The following CYP19A1 variants were observed in gnomAD, a reference collection of about 807,000 sequenced individuals.
The protein encoded by CYP19A1 is aromatase.
A neutral mutation model predicts 44.4 loss-of-function variants in CYP19A1; 32 were observed. That is an observed-to-expected ratio of 0.72 (90% CI 0.54 to 0.97). The LOEUF (loss-of-function observed/expected upper bound fraction) is 0.97. Ranked by LOEUF, CYP19A1 falls within the 50% of genes least tolerant of loss-of-function variation. The pLI is 0.00. For synonymous variants in CYP19A1, 212 were observed against 215.6 expected (o/e 0.98, Z 0.14); for missense variants, 598 against 637.8 (o/e 0.94, Z 0.67).
chr15:51,322,677 C>A (rs1464710956), intron 1 of CYP19A1, among the ~76,000 whole-genome samples: 2 of 152,174 alleles, frequency 1.3e-5, no homozygotes, highest in East Asian at 1.9e-4. Context: ...ATCACCCCCA[C>A]CCCCGCTTCC....
intron 1 of CYP19A1, among the ~76,000 whole-genome samples, chr15:51,299,110 G>A (rs913669291): frequency 5.9e-5 from 9 of 152,174 alleles, no homozygotes; most frequent in Non-Finnish European, 1.2e-4. Flanking sequence ...CCTTCCTTCC[G>A]AGGTCCTGTG....
intron 1 of CYP19A1, among the ~76,000 whole-genome samples, chr15:51,310,231 CA>C (rs758063872): frequency 6.6e-6 from 1 of 152,084 alleles, no homozygotes; most frequent in Non-Finnish European, 1.5e-5. Flanking sequence ...ACAAAAAAAA[CA>C]ATTAACTGAG....
In CYP19A1 at chr15:51,322,905, G is replaced by A. The variant is rs2141023736; in HGVS notation, c.-39+15590C>T. Among the ~76,000 whole-genome samples the A allele has an allele frequency of 2.0e-5, 3 of 152,310 alleles. No homozygotes were observed. The East Asian group carries it at 5.8e-4, about 29-fold the overall frequency. Reference sequence around the variant, plus strand: ...AGTTGCTAGAATTTCATGTCTGTAGGGAACACATCCACTTCTGGCTGAACT... The same window carrying A: ...AGTTGCTAGAATTTCATGTCTGTAGAGAACACATCCACTTCTGGCTGAACT... On this transcript the variant is annotated intron_variant, in intron 1 of 9. Coordinates refer to ENST00000396402, the MANE Select transcript of CYP19A1 (RefSeq NM_000103.4).
At chr15:51,306,279 C>T (rs1385543913) in intron 1 of CYP19A1, among the ~76,000 whole-genome samples, 1 of 152,160 alleles carries the variant, frequency 6.6e-6, no homozygotes, top group Non-Finnish European at 1.5e-5. Flanking sequence ...ATTCCCAGTT[C>T]TTTCAGAATA....
In CYP19A1 at chr15:51,222,195, A is replaced by G; in HGVS notation, c.628+154T>C. 2.2e-6 allele frequency: 3 copies of G among 1,386,752 alleles called. No homozygotes were observed. In the South Asian group the frequency reaches 4.2e-5, roughly 20 times the overall value. 85.9% of individuals were successfully genotyped at this position (1,386,752 alleles called of 1,614,324 possible). A position where few individuals can be genotyped will look rare whatever the true frequency, so the allele number is the denominator to read the frequency against. On this transcript the variant is annotated intron_variant, in intron 5 of 9. Transcript: ENST00000396402. ...TTTATATTTTATAAGTGAACAAAGCAGAAACACTAGGGAAAAAAACGAGGA... is the reference window on the plus strand; with the variant it reads ...TTTATATTTTATAAGTGAACAAAGCGGAAACACTAGGGAAAAAAACGAGGA...
At chr15:51,304,962 C>T (rs1159452085) in intron 1 of CYP19A1, among the ~76,000 whole-genome samples, 1 of 139,460 alleles carries the variant, frequency 7.2e-6, no homozygotes, top group East Asian at 2.3e-4. Context: ...TGCAGTGGCA[C>T]GATCTTGGCT....
At chr15:51,291,370 T>C (rs1364596820) in intron 1 of CYP19A1, among the ~76,000 whole-genome samples, 2 of 151,774 alleles carry the variant, frequency 1.3e-5, no homozygotes, top group Non-Finnish European at 2.9e-5. Flanking sequence ...ATTATTACAA[T>C]GAAAAACTAG....
rs191410568 is a variant in CYP19A1, at chr15:51,287,014, G to A, written c.-38-44064C>T. Among the ~76,000 whole-genome samples the A allele has an allele frequency of 1.0e-3, 157 of 152,310 alleles. 1 individual carries two copies. The highest frequency in any genetic ancestry group is 3.5e-3 in the African/African-American group (144 of 41,570). ...CCTACCCAGCACATTCATCTGTGAGGTGGGTGGCATCAATAGAGGGCAGGG... is the reference window on the plus strand; with the variant it reads ...CCTACCCAGCACATTCATCTGTGAGATGGGTGGCATCAATAGAGGGCAGGG... On this transcript the variant is annotated intron_variant, in intron 1 of 9. Coordinates refer to ENST00000396402, the MANE Select transcript of CYP19A1 (RefSeq NM_000103.4).
intron 1 of CYP19A1, among the ~76,000 whole-genome samples, chr15:51,280,213 C>A (rs553198315): frequency 6.6e-6 from 1 of 151,546 alleles, no homozygotes; most frequent in Non-Finnish European, 1.5e-5. Context: ...CCTCTGCCTC[C>A]GCCTCCAGAG....
chr15:51,227,702 A>AT, intron 4 of CYP19A1, 77 bp downstream of exon 4: 5 of 451,796 alleles, frequency 1.1e-5, no homozygotes, highest in East Asian at 8.5e-5. Flanking sequence ...AAATAAATAA[A>AT]ATATTTTAAA....
intron 1 of CYP19A1, among the ~76,000 whole-genome samples, chr15:51,311,220 G>A (rs552099895): frequency 6.6e-6 from 1 of 152,036 alleles, no homozygotes; most frequent in East Asian, 1.9e-4. Context: ...TGACATAAAG[G>A]TGAATGCTCT....
chr15:51,273,495 G>T (rs1253761744), intron 1 of CYP19A1, among the ~76,000 whole-genome samples: 1 of 152,054 alleles, frequency 6.6e-6, no homozygotes, highest in Admixed American at 6.6e-5. Flanking sequence ...TGTAAAATAA[G>T]GGTAATAGTC....
intron 1 of CYP19A1, among the ~76,000 whole-genome samples, chr15:51,260,010 T>C (rs1000699936): frequency 3.9e-5 from 6 of 152,128 alleles, no homozygotes; most frequent in African/African-American, 9.7e-5. Context: ...TGAACACAGA[T>C]AAAAACAGCA....
At chr15:51,268,789 T>C (rs906852809) in intron 1 of CYP19A1, among the ~76,000 whole-genome samples, 12 of 152,184 alleles carry the variant, frequency 7.9e-5, no homozygotes, top group African/African-American at 2.9e-4. Flanking sequence ...GCGATCTTAA[T>C]TTGCATTTTC....
intron 1 of CYP19A1, among the ~76,000 whole-genome samples, chr15:51,323,496 T>A (rs1019725628): frequency 8.1e-6 from 1 of 123,368 alleles, no homozygotes; most frequent in Non-Finnish European, 1.7e-5. Context: ...GTGTCTCTAC[T>A]TTTTTTTTTT....
chr15:51,247,460 TTTA>T (rs1364151646), intron 1 of CYP19A1, among the ~76,000 whole-genome samples: 2 of 152,162 alleles, frequency 1.3e-5, no homozygotes, highest in South Asian at 2.1e-4. Context: ...CTTTTTTATT[TTTA>T]TTTTTATTTA....
intron 1 of CYP19A1, among the ~76,000 whole-genome samples, chr15:51,296,158 G>T (rs1440106861): frequency 6.6e-6 from 1 of 151,962 alleles, no homozygotes; most frequent in Non-Finnish European, 1.5e-5. Flanking sequence ...GCAAGCAGAG[G>T]CAGGCAAGTC....
At chr15:51,272,261 TC>T (rs947984895) in intron 1 of CYP19A1, among the ~76,000 whole-genome samples, 10 of 152,224 alleles carry the variant, frequency 6.6e-5, no homozygotes, top group Non-Finnish European at 1.3e-4. Flanking sequence ...TGAGTAAATC[TC>T]TTGTGTGCTA....
intron 1 of CYP19A1, chr15:51,318,358 A>G (rs940265124): frequency 1.3e-5 from 2 of 152,266 alleles, no homozygotes; most frequent in Non-Finnish European, 2.9e-5. Context: ...TCCAACAACC[A>G]CATTCTAACA....
Sources: allele counts gnomAD v4.1 joint callset (sites outside exome capture counted in the v4.1 genomes callset), GRCh38; gene constraint gnomAD v4.1.1; transcripts MANE v1.5; gene names NCBI Gene and HGNC (gene_info 2026-07-23, HGNC 2026-07-21).